Variants in PLCH2 observed in about 807,000 individuals in gnomAD.
PLCH2 encodes 1-phosphatidylinositol 4,5-bisphosphate phosphodiesterase eta-2.
A neutral mutation model predicts 134.7 loss-of-function variants in PLCH2; 98 were observed. That is an observed-to-expected ratio of 0.73 (90% CI 0.62 to 0.86). The LOEUF (loss-of-function observed/expected upper bound fraction) is 0.86. Among genes scored for constraint, PLCH2 ranks in the 40% least tolerant of loss-of-function variants. The pLI is 0.00. For missense variants in PLCH2, 1,994 were observed against 1,986.6 expected (o/e 1.00, Z -0.07); for synonymous variants, 974 against 827.5 (o/e 1.18, Z -3.04).
Position 2,496,621 on chromosome 1 carries a change from A to G in PLCH2, c.1850A>G (p.Lys617Arg). 6.2e-7 allele frequency: 1 copy of G among 1,611,538 alleles called. No individual in the cohort carries two copies. The highest frequency in any genetic ancestry group is 8.5e-7 in the Non-Finnish European group (1 of 1,179,254). Residue 617 changes from lysine to arginine, a missense_variant, in exon 14 of 22, where the codon AAG (lysine) becomes AGG (arginine). This residue lies in a region of PLCH2 where 1,094 missense variants were observed against 1,234.3 expected (regional missense o/e 0.89). Coordinates refer to ENST00000378486, the MANE Select transcript of PLCH2 (RefSeq NM_014638.4). The stretch of plus-strand genomic sequence containing the variant: ...ACCTGCCACAGGGCGACCCGGCAGA[A>G]GAAGACCATGAAGCTGTCCCGGGCC... ...GGQSRGATRQ[K>R]KTMKLSRALS...
chr1:2,427,979 A>G (rs1638881481), intron 1 of PLCH2, among the ~76,000 whole-genome samples: 1 of 152,136 alleles, frequency 6.6e-6, no homozygotes, highest in African/African-American at 2.4e-5. Flanking sequence ...TCGAGGGCAG[A>G]GGTCCCTGCC....
the PLCH2 span, among the ~76,000 whole-genome samples, chr1:2,419,601 T>G: frequency 6.6e-6 from 1 of 151,648 alleles, no homozygotes. Context: ...GGCCCGGGGC[T>G]CTCCAGATCT....
chr1:2,499,011 G>C (rs1484280563), intron 18 of PLCH2, 73 bp from the exon 19 acceptor site: 1 of 1,512,668 alleles, frequency 6.6e-7, no homozygotes, highest in Non-Finnish European at 9.0e-7. Flanking sequence ...GGTGTGGGCC[G>C]GGGGCTCCAG....
chr1:2,473,177 A>G (rs1049746008), upstream of PLCH2, among the ~76,000 whole-genome samples: 2 of 152,160 alleles, frequency 1.3e-5, no homozygotes, highest in Non-Finnish European at 1.5e-5. Context: ...CCTTGGGAAG[A>G]AAGGAAGGGG....
chr1:2,478,713 G>C (rs1641782474), intron 2 of PLCH2, 91 bp downstream of exon 2: 3 of 1,292,214 alleles, frequency 2.3e-6, no homozygotes, highest in African/African-American at 1.5e-5. Context: ...GATGGCTGAG[G>C]AGCAGCGAGA....
intron 2 of PLCH2, among the ~76,000 whole-genome samples, chr1:2,432,976 C>A (rs758945564): frequency 2.0e-5 from 3 of 152,202 alleles, no homozygotes; most frequent in Non-Finnish European, 4.4e-5. Context: ...TGCCTGTTAC[C>A]CACCAGTGCC....
chr1:2,488,123 G>T (rs528893178), intron 8 of PLCH2, among the ~76,000 whole-genome samples: 2 of 152,258 alleles, frequency 1.3e-5, no homozygotes, highest in Admixed American at 1.3e-4. Flanking sequence ...CGTGTGGTTT[G>T]AATTACCTTC....
chr1:2,499,067 T>A lies in PLCH2; in HGVS notation c.2435-17T>A. On this transcript the variant is annotated splice_polypyrimidine_tract_variant and intron_variant, in intron 18 of 21. Coordinates refer to ENST00000378486, the MANE Select transcript of PLCH2 (RefSeq NM_014638.4). ...GGCCCTCCCCATGGGACACTCCTCC[T>A]GGCGCTGCTTCCCCAGGGTTCAACC... 4 of 1,602,728 alleles carry A rather than the reference T, an allele frequency of 2.5e-6. No individual in the cohort carries two copies. Among genetic ancestry groups the A allele is most frequent in the Non-Finnish European group, 3.4e-6 (4 of 1,175,500 alleles).
upstream of PLCH2, among the ~76,000 whole-genome samples, chr1:2,465,578 C>T (rs971604749): frequency 6.6e-5 from 10 of 152,098 alleles, no homozygotes; most frequent in Admixed American, 3.9e-4. Flanking sequence ...TGCTGCCCGC[C>T]GCCTGCCGCC....
At chr1:2,457,921 GCCA>G (rs1640575514) in intron 2 of PLCH2, among the ~76,000 whole-genome samples, 2 of 151,860 alleles carry the variant, frequency 1.3e-5, no homozygotes, top group South Asian at 4.1e-4. Flanking sequence ...AGCACTGATG[GCCA>G]CCCGGCCCAT....
intron 2 of PLCH2, among the ~76,000 whole-genome samples, chr1:2,457,213 G>A (rs918600000): frequency 6.6e-6 from 1 of 152,156 alleles, no homozygotes; most frequent in Non-Finnish European, 1.5e-5. Flanking sequence ...TGGCAGCTCC[G>A]TCCATCAGCA....
At chr1:2,420,168 C>T in the PLCH2 span, among the ~76,000 whole-genome samples, 1 of 152,070 alleles carries the variant, frequency 6.6e-6, no homozygotes, top group Non-Finnish European at 1.5e-5. Flanking sequence ...CCGCCCCAGC[C>T]CCTACCTCAC....
chr1:2,459,262 C>A (rs1194253018), intron 2 of PLCH2, among the ~76,000 whole-genome samples: 3 of 152,204 alleles, frequency 2.0e-5, no homozygotes, highest in African/African-American at 7.2e-5. Context: ...TGGAGATGCA[C>A]GTGCCCCTTG....
intron 15 of PLCH2, 59 bp from the exon 16 acceptor site, chr1:2,497,443 C>CTGGGGTGTGGGGGGGGGGGGGG: frequency 1.0e-6 from 1 of 1,001,290 alleles, no homozygotes; most frequent in Non-Finnish European, 1.4e-6. Context: ...GGTGGGTGGG[C>CTGGGGTGTGGGGGGGGGGGGGG]GGGGCACACA....
chr1:2,418,621 G>T, the PLCH2 span, among the ~76,000 whole-genome samples: 1 of 152,226 alleles, frequency 6.6e-6, no homozygotes, highest in Non-Finnish European at 1.5e-5. Flanking sequence ...GGCTCCCCAC[G>T]AGGCTGCTCC....
upstream of PLCH2, among the ~76,000 whole-genome samples, chr1:2,472,123 C>T (rs536230674): frequency 6.6e-6 from 1 of 152,202 alleles, no homozygotes; most frequent in Non-Finnish European, 1.5e-5. Context: ...TGGGGTCCTG[C>T]CTGTGGGGAG....
upstream of PLCH2, among the ~76,000 whole-genome samples, chr1:2,474,326 A>AG (rs1242528502): frequency 6.6e-6 from 1 of 151,320 alleles, no homozygotes; most frequent in African/African-American, 2.4e-5. Context: ...TGAGTTTTGG[A>AG]GGGGAGTGGG....
upstream of PLCH2, among the ~76,000 whole-genome samples, chr1:2,425,512 G>A (rs976325222): frequency 6.6e-6 from 1 of 152,100 alleles, no homozygotes; most frequent in Non-Finnish European, 1.5e-5. Context: ...CTGCTCTGCT[G>A]GTTTTTAGGT....
At chr1:2,482,827 G>C (rs924945143) in intron 4 of PLCH2, among the ~76,000 whole-genome samples, 9 of 152,206 alleles carry the variant, frequency 5.9e-5, no homozygotes, top group Non-Finnish European at 1.5e-5. Flanking sequence ...GCCGGCCCTG[G>C]TTCCTGCTCA....
Sources: gnomAD v4.1 joint callset for allele counts (sites outside exome capture counted in the v4.1 genomes callset) on GRCh38, gnomAD v4.1.1 for gene constraint, gnomAD v4.1.1 regional missense constraint, MANE v1.5 for transcripts, NCBI Gene and HGNC (gene_info 2026-07-23, HGNC 2026-07-21) for gene names.